NR3C1: variants seen among roughly 807,000 people sequenced by gnomAD.
NR3C1 encodes the protein nuclear receptor subfamily 3 group C member 1.
NR3C1 carries 14 observed loss-of-function variants against 74.0 expected under a neutral mutation model. The ratio of observed to expected loss-of-function variants is 0.19; its 90% CI spans 0.12 to 0.30. The LOEUF (loss-of-function observed/expected upper bound fraction) is 0.30. Among genes scored for constraint, NR3C1 ranks in the 10% least tolerant of loss-of-function variants. NR3C1 has a pLI of 1.00. For missense variants in NR3C1, 695 were observed against 909.8 expected (o/e 0.76, Z 3.04); for synonymous variants, 308 against 332.5 (o/e 0.93, Z 0.80).
In NR3C1 at chr5:143,385,134, T is replaced by C. The variant is rs115260506; in HGVS notation, c.1184+14522A>G. On this transcript the variant is annotated intron_variant, in intron 2 of 8. Coordinates refer to ENST00000394464, the MANE Select transcript of NR3C1 (RefSeq NM_000176.3). ...CCCAAGATTATCTCCTGGCCCCTTT[T>C]AGCCACAGCTGGAGCTAGAGCAGCT... 4.4e-3 allele frequency among the ~76,000 whole-genome samples: 667 copies of C among 152,314 alleles called. 2 individuals carry two copies. Among genetic ancestry groups the C allele is most frequent in the African/African-American group, 0.015 (635 of 41,584 alleles).
intron 2 of NR3C1, chr5:143,375,972 T>C (rs1302296387): frequency 1.3e-5 from 2 of 152,226 alleles, no homozygotes; most frequent in Non-Finnish European, 2.9e-5. Context: ...TAAACTAATA[T>C]GCTAACAGGC....
rs1463267050 is a variant in NR3C1 at position 143,298,888 on chromosome 5, G to A, written c.1748-76C>T. ...TCTGTGGGAATTGCCAAGGAGCAAT[G>A]AGATCAATTAGCCCTGTCAAAACAA... On this transcript the variant is annotated intron_variant, in intron 5 of 8. Coordinates refer to ENST00000394464, the MANE Select transcript of NR3C1 (RefSeq NM_000176.3). The A allele has an allele frequency of 4.7e-6, 7 of 1,476,516 alleles. No homozygotes were observed. In the Admixed American group the frequency reaches 1.2e-4, roughly 26 times the overall value. The allele number at this position is 1,476,516 out of a possible 1,614,324, so 91.5% of individuals were successfully genotyped here. A position where few individuals can be genotyped will look rare whatever the true frequency, so the allele number is the denominator to read the frequency against.
chr5:143,405,142 C>G, upstream of NR3C1: 1 of 985,544 alleles, frequency 1.0e-6, no homozygotes, highest in Non-Finnish European at 1.2e-6. Context: ...CGGGACCGAG[C>G]CTCCTACCTT....
Position 143,281,610 on chromosome 5 carries a change from A to C in NR3C1, c.*279T>G, listed in dbSNP as rs1813111697. On this transcript the variant is annotated 3_prime_UTR_variant, in exon 9 of 9. Transcript: ENST00000394464. ...AGGTGCCATCCTTCTTTGACTGTGG[A>C]GATTACGTCCACATATTAAGGTTTC... 1 of 365,996 alleles carries C rather than the reference A, an allele frequency of 2.7e-6. No homozygotes were observed. Among genetic ancestry groups the C allele is most frequent in the East Asian group, 6.5e-5 (1 of 15,486 alleles). The allele number at this position is 365,996 out of a possible 1,614,324, so 22.7% of individuals were successfully genotyped here.
At chr5:143,289,184 T>C (rs1815282463) in intron 7 of NR3C1, among the ~76,000 whole-genome samples, 1 of 152,148 alleles carries the variant, frequency 6.6e-6, no homozygotes, top group African/African-American at 2.4e-5. Flanking sequence ...ATTTCAAGAT[T>C]TACTGTAATG....
intron 8 of NR3C1, 126 bp from the exon 9 acceptor site, chr5:143,282,167 A>G (rs1813238332): frequency 1.1e-5 from 11 of 967,780 alleles, no homozygotes; most frequent in African/African-American, 1.6e-5. Flanking sequence ...GGAATTCCCC[A>G]GATGAAAAAT....
chr5:143,397,441 G>C (rs1839429898), intron 2 of NR3C1, among the ~76,000 whole-genome samples: 1 of 151,752 alleles, frequency 6.6e-6, no homozygotes, highest in Non-Finnish European at 1.5e-5. Context: ...GCTATATCAG[G>C]GCTGTTGTTT....
At chr5:143,286,083 A>G (rs1814397975) in intron 7 of NR3C1, among the ~76,000 whole-genome samples, 1 of 152,080 alleles carries the variant, frequency 6.6e-6, no homozygotes, top group Non-Finnish European at 1.5e-5. Flanking sequence ...ATTATGAATA[A>G]CTTAACTTTA....
intron 2 of NR3C1, among the ~76,000 whole-genome samples, chr5:143,331,420 T>A (rs906213180): frequency 6.6e-6 from 1 of 152,066 alleles, no homozygotes; most frequent in African/African-American, 2.4e-5. Flanking sequence ...GACCCAGCAA[T>A]CCCATCACTG....
At position 143,353,017 on chromosome 5, in the gene NR3C1, C is replaced by A. The variant is rs562511074; in HGVS notation, c.1185-38849G>T. ...TGAATCCACTCAAACCATGCTGCTG[C>A]TTTACCAATTAAGTTTATGTAATAC... On this transcript the variant is annotated intron_variant, in intron 2 of 8. Coordinates refer to ENST00000394464, the MANE Select transcript of NR3C1 (RefSeq NM_000176.3). Among the ~76,000 whole-genome samples, 9 of 152,340 alleles carry A rather than the reference C, an allele frequency of 5.9e-5. No homozygotes were observed. The South Asian group carries it at 1.7e-3, about 28-fold the overall frequency.
intron 2 of NR3C1, among the ~76,000 whole-genome samples, chr5:143,339,238 A>T (rs2151736398): frequency 6.8e-6 from 1 of 147,832 alleles, no homozygotes; most frequent in South Asian, 2.1e-4. Context: ...CTTGTTTCAC[A>T]GTAAAAAAAA....
upstream of NR3C1, chr5:143,404,114 G>A: frequency 1.0e-6 from 1 of 985,370 alleles, no homozygotes; most frequent in Non-Finnish European, 1.2e-6. Context: ...GCCCCTTGGC[G>A]GCAAGCGCCG....
chr5:143,382,427 C>A (rs1454173874), intron 2 of NR3C1, among the ~76,000 whole-genome samples: 3 of 152,170 alleles, frequency 2.0e-5, no homozygotes, highest in Admixed American at 2.0e-4. Flanking sequence ...TAGTATGGCA[C>A]AACAGACAGA....
intron 1 of NR3C1, among the ~76,000 whole-genome samples, chr5:143,416,597 C>T (rs1841484318): frequency 6.6e-6 from 1 of 152,172 alleles, no homozygotes; most frequent in East Asian, 1.9e-4. Context: ...TCTTCCTCCT[C>T]CTTCCTCTTC....
intron 2 of NR3C1, among the ~76,000 whole-genome samples, chr5:143,382,422 T>A (rs1192331341): frequency 6.6e-6 from 1 of 152,240 alleles, no homozygotes; most frequent in African/African-American, 2.4e-5. Context: ...GCGTGTAGTA[T>A]GGCACAACAG....
At chr5:143,297,334 C>A (rs1348296374) in intron 6 of NR3C1, among the ~76,000 whole-genome samples, 1 of 152,040 alleles carries the variant, frequency 6.6e-6, no homozygotes, top group Non-Finnish European at 1.5e-5. Context: ...GTTTTATAAA[C>A]CAGGATAAGT....
chr5:143,334,338 C>T (rs1181076877), intron 2 of NR3C1, among the ~76,000 whole-genome samples: 4 of 151,988 alleles, frequency 2.6e-5, no homozygotes, highest in Non-Finnish European at 4.4e-5. Flanking sequence ...GCTGAGATCA[C>T]GCCATTGCAC....
At chr5:143,298,959 G>T in intron 5 of NR3C1, 147 bp from the exon 6 acceptor site, 2 of 549,936 alleles carry the variant, frequency 3.6e-6, no homozygotes, top group Non-Finnish European at 6.6e-6. Context: ...GGTAGACACA[G>T]TTTTCTTCTG....
chr5:143,376,800 T>C (rs971069965), intron 2 of NR3C1, among the ~76,000 whole-genome samples: 3 of 152,218 alleles, frequency 2.0e-5, no homozygotes, highest in Non-Finnish European at 4.4e-5. Context: ...ATTCCAGGTG[T>C]AGCTGTGTAC....
Sources: allele counts gnomAD v4.1 joint callset (sites outside exome capture counted in the v4.1 genomes callset), GRCh38; gene constraint gnomAD v4.1.1; transcripts MANE v1.5; gene names NCBI Gene and HGNC (gene_info 2026-07-23, HGNC 2026-07-21).